CSPP1: variants seen among roughly 807,000 people sequenced by gnomAD.
CSPP1 encodes centrosome and spindle pole-associated protein 1.
Under a neutral mutation model 164.4 loss-of-function variants are expected in CSPP1, and 126 were observed. The observed-to-expected ratio is 0.77, with a 90% CI of 0.66 to 0.89. CSPP1 has a LOEUF of 0.89. CSPP1 is among the 40% of genes least tolerant of loss of function. The pLI is 0.00. For missense variants in CSPP1, 1,395 were observed against 1,449.8 expected, an observed-to-expected ratio of 0.96 and a Z score of 0.61; for synonymous variants, 472 against 476.7, an observed-to-expected ratio of 0.99 and a Z score of 0.13.
intron 29 of CSPP1, among the ~76,000 whole-genome samples, chr8:67,191,590 A>G (rs1836270225): frequency 6.6e-6 from 1 of 152,224 alleles, no homozygotes; most frequent in Non-Finnish European, 1.5e-5. Context: ...ATGTTGTAGC[A>G]TGTGCCAGTA....
intron 30 of CSPP1, among the ~76,000 whole-genome samples, chr8:67,194,434 A>G (rs1195081792): frequency 5.3e-5 from 8 of 152,240 alleles, no homozygotes; most frequent in Admixed American, 5.2e-4. Flanking sequence ...CACACCAAAC[A>G]CAAAGCAGAC....
chr8:67,153,929 T>TAA (rs376221158), intron 18 of CSPP1, 95 bp from the exon 19 acceptor site: 210 of 534,666 alleles, frequency 3.9e-4, no homozygotes, highest in African/African-American at 2.1e-3. Context: ...TTTTTTTTTT[T>TAA]AAAAATGAAT....
rs1356031224 is a variant in CSPP1 at position 67,159,912 on chromosome 8, CT to C, written c.2538+778del. 1.1e-3 allele frequency among the ~76,000 whole-genome samples: 69 copies of C among 61,052 alleles called. 1 individual carries two copies. Among genetic ancestry groups the C allele is most frequent in the Non-Finnish European group, 1.3e-3 (43 of 32,462 alleles). 40.1% of individuals were successfully genotyped at this position (61,052 alleles called of 152,430 possible). On this transcript the variant is annotated intron_variant, in intron 21 of 30. Coordinates refer to ENST00000678616, the MANE Select transcript of CSPP1 (RefSeq NM_001382391.1). ...TCTTTCTTTCTTTCTTTCTTTCTTT[CT>C]TTCTTTCTTTCCTTTCCTTCCTTCC...
intron 4 of CSPP1, among the ~76,000 whole-genome samples, chr8:67,089,148 T>A (rs942707995): frequency 6.6e-6 from 1 of 152,060 alleles, no homozygotes; most frequent in Admixed American, 6.5e-5. Flanking sequence ...TTAAAAAAAA[T>A]CAAATCTTTT....
chr8:67,177,291 G>A (rs1415227098), intron 26 of CSPP1, among the ~76,000 whole-genome samples: 1 of 152,126 alleles, frequency 6.6e-6, no homozygotes, highest in Non-Finnish European at 1.5e-5. Flanking sequence ...TTTGCCTCTG[G>A]AACTAAGTGC....
intron 26 of CSPP1, 76 bp downstream of exon 26, chr8:67,175,512 G>A (rs1242096791): frequency 6.5e-7 from 1 of 1,544,236 alleles, no homozygotes; most frequent in Non-Finnish European, 8.9e-7. Flanking sequence ...CTCTTCTATT[G>A]ATTTCATTCC....
chr8:67,125,708 GA>G (rs1563623425), intron 15 of CSPP1, among the ~76,000 whole-genome samples: 1 of 152,040 alleles, frequency 6.6e-6, no homozygotes, highest in Non-Finnish European at 1.5e-5. Flanking sequence ...CTGCCTGCTC[GA>G]ATGTGCTCTT....
intron 30 of CSPP1, among the ~76,000 whole-genome samples, chr8:67,194,377 T>TGTA (rs1316660882): frequency 1.3e-5 from 2 of 152,236 alleles, no homozygotes; most frequent in Non-Finnish European, 2.9e-5. Context: ...ACTCATATAC[T>TGTA]ATCTATCTAG....
At chr8:67,093,685 G>T in intron 6 of CSPP1, 44 bp downstream of exon 6, 2 of 1,047,280 alleles carry the variant, frequency 1.9e-6, no homozygotes, top group Non-Finnish European at 1.4e-6. Flanking sequence ...TACTACCACA[G>T]GTTGAATATT....
intron 2 of CSPP1, among the ~76,000 whole-genome samples, chr8:67,075,911 C>G (rs1382326852): frequency 3.9e-5 from 6 of 152,128 alleles, no homozygotes; most frequent in African/African-American, 1.4e-4. Context: ...GTAGTTAGGA[C>G]CAGCTTACGG....
chr8:67,165,026 G>C (rs1829042583), intron 24 of CSPP1, among the ~76,000 whole-genome samples: 1 of 152,228 alleles, frequency 6.6e-6, no homozygotes, highest in African/African-American at 2.4e-5. Flanking sequence ...GCTCACGCCT[G>C]TAATCCCAGC....
At chr8:67,109,695 C>G (rs374759620) in intron 9 of CSPP1, among the ~76,000 whole-genome samples, 1 of 151,890 alleles carries the variant, frequency 6.6e-6, no homozygotes, top group Non-Finnish European at 1.5e-5. Flanking sequence ...TCTCATTGTC[C>G]GAACTAGTAC....
chr8:67,103,787 C>A (rs1470440435), intron 8 of CSPP1, among the ~76,000 whole-genome samples: 1 of 149,222 alleles, frequency 6.7e-6, no homozygotes, highest in Non-Finnish European at 1.5e-5. Flanking sequence ...TTGCAGTGAG[C>A]CGAGATCGCA....
chr8:67,187,437 T>C (rs966886320), intron 28 of CSPP1, among the ~76,000 whole-genome samples: 2 of 152,182 alleles, frequency 1.3e-5, no homozygotes, highest in Admixed American at 1.3e-4. Flanking sequence ...GGCTCACACC[T>C]GTAGTTCTGG....
chr8:67,144,707 A>G (rs1824146800), intron 17 of CSPP1, among the ~76,000 whole-genome samples: 1 of 152,220 alleles, frequency 6.6e-6, no homozygotes, highest in African/African-American at 2.4e-5. Flanking sequence ...TTGGCCTCCC[A>G]AAGTGCTGGG....
At chr8:67,137,941 A>AT (rs1191974305) in intron 17 of CSPP1, among the ~76,000 whole-genome samples, 2 of 152,176 alleles carry the variant, frequency 1.3e-5, no homozygotes, top group African/African-American at 4.8e-5. Context: ...CCATATTACA[A>AT]TTTAAAAAAA....
At chr8:67,153,547 G>A (rs563148771) in intron 18 of CSPP1, among the ~76,000 whole-genome samples, 3 of 152,020 alleles carry the variant, frequency 2.0e-5, no homozygotes, top group African/African-American at 7.2e-5. Flanking sequence ...TTTCTATTCT[G>A]TCATTTAAAC....
intron 21 of CSPP1, 122 bp downstream of exon 21, chr8:67,159,259 A>G: frequency 1.1e-6 from 1 of 931,666 alleles, no homozygotes; most frequent in East Asian, 2.4e-5. Context: ...GTTCTGTCTT[A>G]CTGTTTAGTC....
Position 67,195,517 on chromosome 8 carries a change from T to TGAC in CSPP1, c.3607_3608insCGA (p.Leu1202_Asn1203insThr). ...CTGAAACGTTTCATGGCAGAGCAGC[T>TGAC]GAACCAGGAGCAGCAGCAGATTCCT... is the stretch of plus-strand genomic sequence containing the variant. On this transcript the variant is annotated inframe_insertion, in exon 31 of 31. Transcript: ENST00000678616. The TGAC allele has an allele frequency of 6.2e-7, 1 of 1,614,206 alleles. No individual in the cohort carries two copies. Among genetic ancestry groups the TGAC allele is most frequent in the Middle Eastern group, 1.7e-4 (1 of 6,052 alleles).
Sources: allele counts gnomAD v4.1 joint callset (sites outside exome capture counted in the v4.1 genomes callset), GRCh38; gene constraint gnomAD v4.1.1; transcripts MANE v1.5; gene names NCBI Gene and HGNC (gene_info 2026-07-23, HGNC 2026-07-21).